The following AGBL4 variants were observed in gnomAD, a reference collection of about 807,000 sequenced individuals.
The protein encoded by AGBL4 is AGBL carboxypeptidase 4.
A neutral mutation model predicts 66.4 loss-of-function variants in AGBL4; 58 were observed. The observed-to-expected ratio is 0.87, with a 90% CI of 0.71 to 1.09. AGBL4 has a LOEUF of 1.09. AGBL4 is among the 50% of genes least tolerant of loss of function. AGBL4 has a pLI of 0.00. For synonymous variants in AGBL4, 234 were observed against 222.9 expected, an observed-to-expected ratio of 1.05 and a Z score of -0.44; for missense variants, 579 against 631.0, an observed-to-expected ratio of 0.92 and a Z score of 0.88.
At chr1:49,613,932 A>C (rs1247154117) in intron 3 of AGBL4, among the ~76,000 whole-genome samples, 2 of 152,230 alleles carry the variant, frequency 1.3e-5, no homozygotes, top group Non-Finnish European at 2.9e-5. Context: ...AATTTAAAAA[A>C]AGAATATTAG....
chr1:48,808,518 G>A (rs954353123), intron 6 of AGBL4, among the ~76,000 whole-genome samples: 8 of 152,178 alleles, frequency 5.3e-5, no homozygotes, highest in Non-Finnish European at 1.2e-4. Flanking sequence ...CAAATTTGGA[G>A]AGTCCCAAGG....
intron 1 of AGBL4, among the ~76,000 whole-genome samples, chr1:49,985,821 A>G (rs1161038828): frequency 6.6e-6 from 1 of 152,168 alleles, no homozygotes; most frequent in Admixed American, 6.6e-5. Context: ...CTGAAAATCA[A>G]CTATGCAGTT....
chr1:48,703,425 G>C (rs1194423012), intron 6 of AGBL4, among the ~76,000 whole-genome samples: 2 of 152,100 alleles, frequency 1.3e-5, no homozygotes, highest in Admixed American at 1.3e-4. Context: ...CATAGATGAA[G>C]ATAAGAAAGG....
intron 2 of AGBL4, among the ~76,000 whole-genome samples, chr1:49,745,883 T>G (rs1462615654): frequency 6.6e-6 from 1 of 151,774 alleles, no homozygotes; most frequent in East Asian, 1.9e-4. Flanking sequence ...CCAACTAGAC[T>G]TAACAGAAAA....
chr1:49,108,604 T>G (rs1645344030), intron 4 of AGBL4, among the ~76,000 whole-genome samples: 1 of 152,168 alleles, frequency 6.6e-6, no homozygotes, highest in African/African-American at 2.4e-5. Flanking sequence ...GAGCAAAGCA[T>G]GCTGGGAGGC....
At chr1:49,737,319 C>A (rs551353951) in intron 2 of AGBL4, among the ~76,000 whole-genome samples, 5 of 151,944 alleles carry the variant, frequency 3.3e-5, no homozygotes, top group African/African-American at 7.2e-5. Flanking sequence ...AAAGAAAATG[C>A]GGTACATATA....
chr1:49,626,149 G>A (rs1426710831), intron 3 of AGBL4, among the ~76,000 whole-genome samples: 1 of 151,994 alleles, frequency 6.6e-6, no homozygotes, highest in Non-Finnish European at 1.5e-5. Flanking sequence ...CCATATAAAG[G>A]CCTCTTATGT....
intron 3 of AGBL4, among the ~76,000 whole-genome samples, chr1:49,564,053 G>T (rs1039128547): frequency 1.1e-4 from 17 of 151,946 alleles, no homozygotes; most frequent in Non-Finnish European, 2.2e-4. Context: ...TGTATGTGTC[G>T]AGGAATTTAT....
intron 1 of AGBL4, among the ~76,000 whole-genome samples, chr1:49,932,437 C>A (rs1653464053): frequency 6.6e-6 from 1 of 152,014 alleles, no homozygotes; most frequent in Non-Finnish European, 1.5e-5. Flanking sequence ...ATCTTTGTAA[C>A]CTTCAGACAG....
At chr1:49,802,769 G>C (rs1644893206) in intron 2 of AGBL4, among the ~76,000 whole-genome samples, 1 of 152,124 alleles carries the variant, frequency 6.6e-6, no homozygotes, top group South Asian at 2.1e-4. Context: ...TATCTTGTGT[G>C]TGTCTATTAT....
At chr1:49,224,832 G>T (rs1339895808) in intron 4 of AGBL4, among the ~76,000 whole-genome samples, 1 of 152,058 alleles carries the variant, frequency 6.6e-6, no homozygotes, top group Non-Finnish European at 1.5e-5. Flanking sequence ...AGGAGTCAAA[G>T]GAGAAAGTGG....
At chr1:48,891,046 C>T (rs1050964093) in intron 5 of AGBL4, among the ~76,000 whole-genome samples, 18 of 152,108 alleles carry the variant, frequency 1.2e-4, no homozygotes, top group Admixed American at 1.1e-3. Flanking sequence ...CTGATCAGTC[C>T]AGTAGGATGT....
intron 1 of AGBL4, among the ~76,000 whole-genome samples, chr1:49,950,165 T>C (rs191693012): frequency 1.1e-3 from 153 of 143,916 alleles, no homozygotes; most frequent in African/African-American, 3.7e-3. Flanking sequence ...TATACACACA[T>C]ATATATATAC....
intron 6 of AGBL4, among the ~76,000 whole-genome samples, chr1:48,737,837 C>T (rs1045544701): frequency 1.3e-5 from 2 of 152,068 alleles, no homozygotes; most frequent in Non-Finnish European, 2.9e-5. Context: ...CATGCTTCTG[C>T]TGAGTCTGTG....
chr1:49,602,347 T>G (rs1029638094), intron 3 of AGBL4, among the ~76,000 whole-genome samples: 1 of 152,134 alleles, frequency 6.6e-6, no homozygotes, highest in Non-Finnish European at 1.5e-5. Flanking sequence ...TCACTGGGTA[T>G]ATACCCAAAG....
chr1:49,880,807 G>A (rs1647219136), intron 1 of AGBL4, among the ~76,000 whole-genome samples: 1 of 151,842 alleles, frequency 6.6e-6, no homozygotes, highest in South Asian at 2.1e-4. Context: ...CTAGCAATCA[G>A]CGAGATTCCG....
intron 5 of AGBL4, among the ~76,000 whole-genome samples, chr1:49,037,033 G>A (rs952493910): frequency 2.0e-5 from 3 of 152,046 alleles, no homozygotes; most frequent in Middle Eastern, 3.4e-3. Context: ...AACGTTAAAA[G>A]AAGATGCACA....
At chr1:49,600,438 C>A (rs542736844) in intron 3 of AGBL4, among the ~76,000 whole-genome samples, 2 of 152,122 alleles carry the variant, frequency 1.3e-5, no homozygotes, top group Non-Finnish European at 2.9e-5. Flanking sequence ...GCAACTCCTG[C>A]ATTTTTTTGC....
intron 3 of AGBL4, among the ~76,000 whole-genome samples, chr1:49,646,493 C>A (rs1363305979): frequency 6.6e-6 from 1 of 151,784 alleles, no homozygotes; most frequent in Non-Finnish European, 1.5e-5. Context: ...TGTATAAGAC[C>A]TATAAATTTA....
Sources: allele counts gnomAD v4.1 joint callset (sites outside exome capture counted in the v4.1 genomes callset), GRCh38; gene constraint gnomAD v4.1.1; transcripts MANE v1.5; gene names NCBI Gene and HGNC (gene_info 2026-07-23, HGNC 2026-07-21).